The following PLCB1 variants were observed in gnomAD, a reference collection of about 807,000 sequenced individuals.
PLCB1 encodes 1-phosphatidylinositol 4,5-bisphosphate phosphodiesterase beta-1.
Under a neutral mutation model 161.8 loss-of-function variants are expected in PLCB1, and 46 were observed. The ratio of observed to expected loss-of-function variants is 0.28; its 90% CI spans 0.22 to 0.36. The LOEUF is 0.36. PLCB1 is among the 10% of genes least tolerant of loss of function. The pLI, the probability that PLCB1 is intolerant of heterozygous loss-of-function variation, is 1.00. For synonymous variants in PLCB1, 517 were observed against 503.7 expected, an observed-to-expected ratio of 1.03 and a Z score of -0.35; for missense variants, 1,016 against 1,472.5, an observed-to-expected ratio of 0.69 and a Z score of 5.07.
chr20:8,766,244 CAACA>C (rs1487088191), intron 26 of PLCB1, among the ~76,000 whole-genome samples: 3 of 152,104 alleles, frequency 2.0e-5, no homozygotes, highest in Non-Finnish European at 4.4e-5. Flanking sequence ...AAATAATAAA[CAACA>C]AACACACAGC....
chr20:8,841,641 T>G (rs1323912040), intron 31 of PLCB1, among the ~76,000 whole-genome samples: 1 of 150,964 alleles, frequency 6.6e-6, no homozygotes, highest in Non-Finnish European at 1.5e-5. Context: ...AACTCCTGAC[T>G]TATATCTCCA....
At chr20:8,701,988 T>C (rs986824695) in intron 11 of PLCB1, among the ~76,000 whole-genome samples, 1 of 152,172 alleles carries the variant, frequency 6.6e-6, no homozygotes, top group African/African-American at 2.4e-5. Context: ...AGCAGCAAAA[T>C]AAACTGATTG....
At chr20:8,277,157 A>G (rs935206692) in intron 2 of PLCB1, among the ~76,000 whole-genome samples, 3 of 151,608 alleles carry the variant, frequency 2.0e-5, no homozygotes, top group Admixed American at 6.6e-5. Flanking sequence ...CACACCACCA[A>G]GCCCAGCTAA....
chr20:8,565,426 T>C (rs1479531304), intron 3 of PLCB1, among the ~76,000 whole-genome samples: 1 of 152,084 alleles, frequency 6.6e-6, no homozygotes, highest in Non-Finnish European at 1.5e-5. Flanking sequence ...CCATGGCACG[T>C]GTATACCTAT....
intron 31 of PLCB1, among the ~76,000 whole-genome samples, chr20:8,848,701 G>A (rs1205445701): frequency 1.3e-5 from 2 of 152,216 alleles, no homozygotes. Context: ...GGAGGGCTGG[G>A]GGGCCATGAG....
At chr20:8,877,896 T>C (rs1399538917) in intron 31 of PLCB1, among the ~76,000 whole-genome samples, 2 of 152,320 alleles carry the variant, frequency 1.3e-5, no homozygotes, top group African/African-American at 4.8e-5. Context: ...AATCTACTAC[T>C]ATCCCATGAT....
chr20:8,276,940 T>A lies in PLCB1; in HGVS notation c.178-94442T>A, dbSNP rs1221493060. On this transcript the variant is annotated intron_variant, in intron 2 of 31. Transcript: ENST00000338037. Reference sequence around the variant, plus strand: ...CGTCTTCTTCTTTTCTTCTTCTTCTTCTTCTTCTTCTTCTTCTTCTTCTTC... The same window carrying A: ...CGTCTTCTTCTTTTCTTCTTCTTCTACTTCTTCTTCTTCTTCTTCTTCTTC... Among the ~76,000 whole-genome samples, 6 of 58,442 alleles carry A rather than the reference T, an allele frequency of 1.0e-4. No individual in the cohort carries two copies. The Admixed American group carries it at 1.2e-3, about 11-fold the overall frequency. The allele number at this position is 58,442 out of a possible 152,430, so 38.3% of individuals were successfully genotyped here. A position where few individuals can be genotyped will look rare whatever the true frequency, so the allele number is the denominator to read the frequency against.
chr20:8,739,985 T>G (rs1348533234), intron 21 of PLCB1, among the ~76,000 whole-genome samples: 2 of 152,174 alleles, frequency 1.3e-5, no homozygotes, highest in South Asian at 2.1e-4. Context: ...AGCAACAGAA[T>G]GAGACCCTGT....
At chr20:8,656,253 C>T (rs1989454446) in intron 7 of PLCB1, among the ~76,000 whole-genome samples, 1 of 151,990 alleles carries the variant, frequency 6.6e-6, no homozygotes, top group Admixed American at 6.6e-5. Context: ...TCCACAAATA[C>T]GGGTCTTCTG....
chr20:8,198,633 T>A (rs1409673757), intron 2 of PLCB1, among the ~76,000 whole-genome samples: 1 of 152,046 alleles, frequency 6.6e-6, no homozygotes, highest in Non-Finnish European at 1.5e-5. Context: ...ATGTGCTGAT[T>A]CCCACAGACC....
intron 27 of PLCB1, among the ~76,000 whole-genome samples, chr20:8,785,424 A>G (rs6039266): frequency 0.91 from 137,799 of 152,172 alleles, 63,012 homozygotes; most frequent in East Asian, 1. Flanking sequence ...AAGCCAGGTC[A>G]TCAGCTCAGA....
chr20:8,628,673 GC>G (rs1443175850), intron 4 of PLCB1: 1 of 401,910 alleles, frequency 2.5e-6, no homozygotes, highest in Non-Finnish European at 4.6e-6. Flanking sequence ...GGTGGCTCAT[GC>G]CTATAATCCC....
chr20:8,657,214 C>A lies in PLCB1; in HGVS notation c.625C>A (p.Pro209Thr). 6.2e-7 allele frequency: 1 copy of A among 1,608,910 alleles called. No individual in the cohort carries two copies. Among genetic ancestry groups the A allele is most frequent in the Non-Finnish European group, 8.5e-7 (1 of 1,175,584 alleles). ...NDSIPQEDFT[P>T]EVYRVFLNNL... ...TTCAATACCTCAAGAAGATTTCACTCCAGAAGTGTACAGAGTTTTCCTCAA... is the reference window on the plus strand; with the variant it reads ...TTCAATACCTCAAGAAGATTTCACTACAGAAGTGTACAGAGTTTTCCTCAA... Residue 209 changes from proline to threonine, a missense_variant, in exon 8 of 32, where the codon CCA becomes ACA. Physicochemically the swap from Pro to Thr is conservative, Grantham distance 38. Around this residue, in one of 10 missense-constraint regions of PLCB1, gnomAD observed 117 missense variants for 142.2 expected, o/e 0.82. Transcript: ENST00000338037.
chr20:8,850,114 A>T (rs1986838377), intron 31 of PLCB1, among the ~76,000 whole-genome samples: 1 of 152,248 alleles, frequency 6.6e-6, no homozygotes, highest in African/African-American at 2.4e-5. Context: ...ATGTGCACAG[A>T]TTTCAATTTA....
intron 2 of PLCB1, among the ~76,000 whole-genome samples, chr20:8,287,052 T>C (rs919448731): frequency 2.6e-5 from 4 of 152,140 alleles, no homozygotes; most frequent in African/African-American, 7.2e-5. Flanking sequence ...CAGGATTTTA[T>C]GTTGAATTTT....
chr20:8,255,094 A>G (rs1981345439), intron 2 of PLCB1, among the ~76,000 whole-genome samples: 1 of 152,048 alleles, frequency 6.6e-6, no homozygotes, highest in South Asian at 2.1e-4. Context: ...TCATCAAAAC[A>G]TTTTCCGATG....
At chr20:8,490,876 ATG>A (rs1568696786) in intron 3 of PLCB1, among the ~76,000 whole-genome samples, 1 of 143,478 alleles carries the variant, frequency 7.0e-6, no homozygotes, top group Non-Finnish European at 1.6e-5. Flanking sequence ...ATATATATAT[ATG>A]TACACATATC....
chr20:8,349,794 T>A (rs1209051276), intron 2 of PLCB1, among the ~76,000 whole-genome samples: 1 of 152,092 alleles, frequency 6.6e-6, no homozygotes, highest in African/African-American at 2.4e-5. Flanking sequence ...AGATCAATAC[T>A]CTGAGAAGGA....
intron 23 of PLCB1, among the ~76,000 whole-genome samples, chr20:8,745,459 T>C (rs1459530868): frequency 6.6e-6 from 1 of 152,172 alleles, no homozygotes; most frequent in African/African-American, 2.4e-5. Context: ...TGCAAAATAT[T>C]ACCAGATGTT....
Sources: gnomAD v4.1 joint callset for allele counts (sites outside exome capture counted in the v4.1 genomes callset) on GRCh38, gnomAD v4.1.1 for gene constraint, gnomAD v4.1.1 regional missense constraint, MANE v1.5 for transcripts, NCBI Gene and HGNC (gene_info 2026-07-23, HGNC 2026-07-21) for gene names.